The following PRRC2A variants were observed in gnomAD, a reference collection of about 807,000 sequenced individuals.
PRRC2A encodes proline rich coiled-coil 2A, also known as protein PRRC2A.
In PRRC2A, 59 loss-of-function variants were observed where a neutral mutation model predicts 224.6. The observed-to-expected ratio is 0.26, with a 90% CI of 0.21 to 0.33. The LOEUF is 0.33. Among genes scored for constraint, PRRC2A ranks in the 10% least tolerant of loss-of-function variants. PRRC2A has a pLI of 1.00. For missense variants in PRRC2A, 3,095 were observed against 2,880.7 expected (o/e 1.07, Z -1.70); for synonymous variants, 1,194 against 1,109.5 (o/e 1.08, Z -1.51).
chr6:31,637,770 AACTT>A (rs1777750037), exon 31 of PRRC2A: 1 of 432,752 alleles, frequency 2.3e-6, no homozygotes, highest in Admixed American at 3.9e-5. Context: ...TAAAAAAAAA[AACTT>A]CTACAATGAT....
chr6:31,629,266 C>G lies in PRRC2A; in HGVS notation c.1888C>G (p.Pro630Ala). The G allele has an allele frequency of 6.2e-7, 1 of 1,609,212 alleles. No individual in the cohort carries two copies. Among genetic ancestry groups the G allele is most frequent in the African/African-American group, 1.3e-5 (1 of 74,846 alleles). Reference sequence around the variant, plus strand: ...TGGGATTGGTCCCACCCGCCAGCCCCCTAGTCAGGGCTTGGGCTACCCCAA... The same window carrying G: ...TGGGATTGGTCCCACCCGCCAGCCCGCTAGTCAGGGCTTGGGCTACCCCAA... Reference protein sequence around the residue: ...GDGIGPTRQPPSQGLGYPKYQ... With the variant: ...GDGIGPTRQPASQGLGYPKYQ... The change falls in exon 13 of 31, where the codon CCT becomes GCT. Residue 630 changes from proline to alanine, a missense_variant. Pro to Ala is a conservative substitution (Grantham distance 27). This residue lies in a region of PRRC2A where 2,001 missense variants were observed against 1,764.9 expected (regional missense o/e 1.13). Transcript: ENST00000376033.
Position 31,637,442 on chromosome 6 carries a change from C to T in PRRC2A, c.6334-4C>T, listed in dbSNP as rs1339875368. 6.3e-7 allele frequency: 1 copy of T among 1,583,890 alleles called. No individual in the cohort carries two copies. On this transcript the variant is annotated splice_polypyrimidine_tract_variant and splice_region_variant and intron_variant, in intron 30 of 30. Coordinates refer to ENST00000376033, the MANE Select transcript of PRRC2A (RefSeq NM_004638.4). The stretch of plus-strand genomic sequence containing the variant: ...TCACTGTTTAACACATGCCTGTCCC[C>T]TAGGCCTCCCCACCAGATGCCCTGC...
At position 31,636,436 on chromosome 6, in the gene PRRC2A, TA is replaced by T; in HGVS notation, c.5835+18del. 1.9e-6 allele frequency: 3 copies of T among 1,612,530 alleles called. No individual in the cohort carries two copies. The highest frequency in any genetic ancestry group is 1.7e-4 in the Middle Eastern group (1 of 6,060). On this transcript the variant is annotated intron_variant, in intron 26 of 30. Transcript: ENST00000376033. The surrounding 1 kb of genome is among the most constrained non-coding windows in gnomAD (Gnocchi z 4.3). ...TTGCTTCAGGTAAGAGGGGGGCAGG[TA>T]TTAGATATTGGGGGATAGGGTAGGG... is the stretch of plus-strand genomic sequence containing the variant.
chr6:31,635,043 G>C (rs1003480297), intron 21 of PRRC2A, 66 bp downstream of exon 21: 17 of 1,597,446 alleles, frequency 1.1e-5, no homozygotes, highest in African/African-American at 1.3e-5. Context: ...ACCTTTTTCT[G>C]CTTTTTCTCT....
At chr6:31,634,118 C>T (rs1777031398) in intron 18 of PRRC2A, 118 bp from the exon 19 acceptor site, 2 of 1,565,070 alleles carry the variant, frequency 1.3e-6, no homozygotes, top group African/African-American at 1.4e-5. Flanking sequence ...CAGTATTAGT[C>T]TCCCATGTGT....
At chr6:31,634,116 G>A in intron 18 of PRRC2A, 120 bp from the exon 19 acceptor site, 1 of 1,567,424 alleles carries the variant, frequency 6.4e-7, no homozygotes, top group Non-Finnish European at 8.6e-7. Context: ...CTCAGTATTA[G>A]TCTCCCATGT....
chr6:31,622,803 C>G lies in PRRC2A; in HGVS notation c.14C>G (p.Ser5Trp). ...GCTTCCAGCGCAATGTCCGATCGCT[C>G]GGGGCCGACTGCCAAGGGAAAGGAT... The part of the protein sequence containing the change: MSDR[S>W]GPTAKGKDGK... The change falls in exon 2 of 31, where the codon TCG (serine) becomes TGG (tryptophan). Residue 5 changes from serine (S) to tryptophan (W), a missense_variant. By Grantham distance (177) the Ser-to-Trp change is radical. Around this residue, in one of 8 missense-constraint regions of PRRC2A, gnomAD observed 64 missense variants for 68.2 expected, o/e 0.94. Coordinates refer to ENST00000376033, the MANE Select transcript of PRRC2A (RefSeq NM_004638.4). 1 of 1,613,718 alleles carries G rather than the reference C, an allele frequency of 6.2e-7. No individual in the cohort carries two copies. Among genetic ancestry groups the G allele is most frequent in the Non-Finnish European group, 8.5e-7 (1 of 1,179,940 alleles).
Position 31,636,466 on chromosome 6 carries a change from A to G in PRRC2A, c.5836-44A>G, listed in dbSNP as rs773032175. 2 of 1,609,582 alleles carry G rather than the reference A, an allele frequency of 1.2e-6. No individual in the cohort carries two copies. Among genetic ancestry groups the G allele is most frequent in the South Asian group, 2.2e-5 (2 of 91,022 alleles). ...GATATTGGGGGATAGGGTAGGGAGAATGATTTTGTGGGGGTTGATATATTT... is the reference window on the plus strand; with the variant it reads ...GATATTGGGGGATAGGGTAGGGAGAGTGATTTTGTGGGGGTTGATATATTT... On this transcript the variant is annotated intron_variant, in intron 26 of 30. Transcript: ENST00000376033. The surrounding 1 kb of genome is among the most constrained non-coding windows in gnomAD (Gnocchi z 4.3).
At chr6:31,635,504 T>G (rs1483683121) in intron 23 of PRRC2A, 39 bp downstream of exon 23, 2 of 1,612,334 alleles carry the variant, frequency 1.2e-6, no homozygotes, top group East Asian at 4.5e-5. Flanking sequence ...GGCCCAAGAT[T>G]TCTGGGGAAG....
In PRRC2A at chr6:31,632,015, G is replaced by A; in HGVS notation, c.3342G>A (p.Glu1114=). Residue 1114 remains glutamate, a synonymous_variant, in exon 16 of 31, where the codon GAG becomes GAA. Coordinates refer to ENST00000376033, the MANE Select transcript of PRRC2A (RefSeq NM_004638.4). ...RGSETGSETH[E]SDLAPSDKEA... ...CAGAAACAGGCAGCGAGACCCATGA[G>A]AGTGATCTGGCTCCTTCAGACAAGG... 1 of 1,608,114 alleles carries A rather than the reference G, an allele frequency of 6.2e-7. No individual in the cohort carries two copies. Among genetic ancestry groups the A allele is most frequent in the Non-Finnish European group, 8.5e-7 (1 of 1,176,902 alleles).
At chr6:31,628,859 A>T (rs948712419) in intron 12 of PRRC2A, 2 of 408,990 alleles carry the variant, frequency 4.9e-6, no homozygotes, top group Non-Finnish European at 8.7e-6. Context: ...ATCCTGTCTC[A>T]CAAGAAATAC....
chr6:31,621,749 A>G (rs1699423856), intron 1 of PRRC2A, among the ~76,000 whole-genome samples: 1 of 151,894 alleles, frequency 6.6e-6, no homozygotes, highest in Admixed American at 6.5e-5. Context: ...ACTATTTCTC[A>G]TCTCTTTACA....
chr6:31,636,550 C>T lies in PRRC2A; in HGVS notation c.5876C>T (p.Thr1959Ile). The change falls in exon 27 of 31, where the codon ACT becomes ATT. Residue 1959 changes from threonine (T) to isoleucine (I), a missense_variant. Physicochemically the swap from Thr to Ile is moderately conservative, Grantham distance 89. This residue lies in a region of PRRC2A where 662 missense variants were observed against 609.5 expected (regional missense o/e 1.09). Transcript: ENST00000376033. This position sits in a 1 kb window ranked among gnomAD's most constrained non-coding sequence, Gnocchi z 4.3. Reference protein sequence around the residue: ...DLPSPSDFYSTPLQPGGQSGF... With the variant: ...DLPSPSDFYSIPLQPGGQSGF... ...CCATCCCCTTCGGATTTTTATTCTA[C>T]TCCTCTGCAGCCTGGTGGCCAAAGT... The T allele has an allele frequency of 6.2e-7, 1 of 1,609,520 alleles. No homozygotes were observed. The highest frequency in any genetic ancestry group is 8.5e-7 in the Non-Finnish European group (1 of 1,178,372).
At chr6:31,628,619 A>C (rs984020846) in intron 12 of PRRC2A, 9 of 274,666 alleles carry the variant, frequency 3.3e-5, no homozygotes, top group African/African-American at 2.0e-4. Flanking sequence ...CGAGGCGGGC[A>C]GAACATGAGG....
Position 31,637,612 on chromosome 6 carries a change from C to T in PRRC2A, c.*26C>T, listed in dbSNP as rs776615138. 23 of 1,111,640 alleles carry T rather than the reference C, an allele frequency of 2.1e-5. No homozygotes were observed. Among genetic ancestry groups the T allele is most frequent in the Non-Finnish European group, 2.2e-5 (19 of 857,976 alleles). The allele number at this position is 1,111,640 out of a possible 1,614,324, so 68.9% of individuals were successfully genotyped here. On this transcript the variant is annotated 3_prime_UTR_variant, in exon 31 of 31. Transcript: ENST00000376033. ...GGGAGTTCCTCTTGCCCCCTACCCC[C>T]GGGGCTTGTATATAGATTATAAATA...
intron 14 of PRRC2A, among the ~76,000 whole-genome samples, chr6:31,630,298 C>T (rs1279166504): frequency 2.7e-5 from 4 of 150,466 alleles, no homozygotes; most frequent in Admixed American, 6.6e-5. Context: ...GCTTAGGCAA[C>T]GAGCGAAACT....
Position 31,626,878 on chromosome 6 carries a change from CAGGGGAGA to C in PRRC2A, c.1073+19_1073+26del. 1 of 1,612,090 alleles carries C rather than the reference CAGGGGAGA, an allele frequency of 6.2e-7. No homozygotes were observed. Among genetic ancestry groups the C allele is most frequent in the Non-Finnish European group, 8.5e-7 (1 of 1,179,142 alleles). ...CTGAGGGCCAGTGAGTTAGGGCCAT[CAGGGGAGA>C]AGAGGAGGGGGTCTTGGTTTGTATT... On this transcript the variant is annotated intron_variant, in intron 10 of 30. Coordinates refer to ENST00000376033, the MANE Select transcript of PRRC2A (RefSeq NM_004638.4).
At position 31,632,434 on chromosome 6, in the gene PRRC2A, C is replaced by T. The variant is rs981052686; in HGVS notation, c.3761C>T (p.Pro1254Leu). Residue 1254 changes from proline (P) to leucine (L), a missense_variant, in exon 16 of 31, where the codon CCG (proline) becomes CTG (leucine). Coordinates refer to ENST00000376033, the MANE Select transcript of PRRC2A (RefSeq NM_004638.4). ...GGGAGGGCTCAGCAGCAGGATAAAC[C>T]GCCTCGTTTCCGGAGGCTGAAGCAG... ...RHGRAQQQDK[P>L]PRFRRLKQER... The T allele has an allele frequency of 6.2e-7, 1 of 1,605,406 alleles. No individual in the cohort carries two copies. The highest frequency in any genetic ancestry group is 8.5e-7 in the Non-Finnish European group (1 of 1,174,902).
chr6:31,623,605 C>A, intron 2 of PRRC2A, 127 bp from the exon 3 acceptor site: 1 of 1,106,092 alleles, frequency 9.0e-7, no homozygotes, highest in Non-Finnish European at 1.3e-6. Flanking sequence ...GAAGGAATCC[C>A]TTCTAAGAGA....
Sources: gnomAD v4.1 joint callset for allele counts (sites outside exome capture counted in the v4.1 genomes callset) on GRCh38, gnomAD v4.1.1 for gene constraint, gnomAD v4.1.1 regional missense constraint, Gnocchi (gnomAD v3.1) non-coding constraint, MANE v1.5 for transcripts, NCBI Gene and HGNC (gene_info 2026-07-23, HGNC 2026-07-21) for gene names.